Variants in TAFA4 observed in about 807,000 individuals in gnomAD.
The protein encoded by TAFA4 is TAFA chemokine like family member 4, also known as chemokine-like protein TAFA-4.
In TAFA4, 20 loss-of-function variants were observed where a neutral mutation model predicts 21.1. The ratio of observed to expected loss-of-function variants is 0.95; its 90% CI spans 0.67 to 1.38. TAFA4 has a LOEUF of 1.38. TAFA4 is among the 40% of genes most tolerant of loss of function. TAFA4 has a pLI of 0.00. For synonymous variants in TAFA4, 71 were observed against 67.4 expected, an observed-to-expected ratio of 1.05 and a Z score of -0.26; for missense variants, 211 against 180.9, an observed-to-expected ratio of 1.17 and a Z score of -0.95.
intron 3 of TAFA4, among the ~76,000 whole-genome samples, chr3:68,850,927 T>G (rs975363728): frequency 2.0e-5 from 3 of 152,206 alleles, no homozygotes; most frequent in Non-Finnish European, 4.4e-5. Flanking sequence ...TAGCCATTGC[T>G]TTTGGTAATT....
intron 3 of TAFA4, among the ~76,000 whole-genome samples, chr3:68,791,987 A>G (rs17047998): frequency 0.014 from 2,119 of 151,710 alleles, 44 homozygotes; most frequent in African/African-American, 0.048. Flanking sequence ...TTTAGATTCT[A>G]AAAAAAAACT....
chr3:68,868,078 A>T (rs957178183), intron 3 of TAFA4, among the ~76,000 whole-genome samples: 1 of 152,132 alleles, frequency 6.6e-6, no homozygotes, highest in South Asian at 2.1e-4. Context: ...GAAAAACACA[A>T]CCCAACTATA....
chr3:68,737,197 G>T (rs1702256656), intron 5 of TAFA4, among the ~76,000 whole-genome samples: 1 of 152,134 alleles, frequency 6.6e-6, no homozygotes, highest in South Asian at 2.1e-4. Context: ...ACTGATGGAT[G>T]TAATACCCTA....
intron 3 of TAFA4, among the ~76,000 whole-genome samples, chr3:68,812,786 G>A (rs1345267852): frequency 6.6e-6 from 1 of 152,048 alleles, no homozygotes; most frequent in Non-Finnish European, 1.5e-5. Flanking sequence ...AGTTAAGAAG[G>A]ATACCCAGGA....
At chr3:68,889,854 T>C (rs879938695) in intron 1 of TAFA4, among the ~76,000 whole-genome samples, 2 of 152,160 alleles carry the variant, frequency 1.3e-5, no homozygotes, top group African/African-American at 2.4e-5. Context: ...GCAACTGTGA[T>C]CTTACATTGG....
intron 1 of TAFA4, among the ~76,000 whole-genome samples, chr3:68,924,996 T>A (rs2090094211): frequency 6.6e-6 from 1 of 152,180 alleles, no homozygotes; most frequent in South Asian, 2.1e-4. Flanking sequence ...AAATTCCGCA[T>A]ACAAGGAGAA....
chr3:68,744,046 G>A (rs1702406780), intron 4 of TAFA4, among the ~76,000 whole-genome samples: 1 of 152,182 alleles, frequency 6.6e-6, no homozygotes, highest in South Asian at 2.1e-4. Flanking sequence ...TGTTGACAGA[G>A]CTTAGTTGTA....
chr3:68,768,255 T>C (rs1352874489), intron 3 of TAFA4, among the ~76,000 whole-genome samples: 2 of 151,876 alleles, frequency 1.3e-5, no homozygotes, highest in African/African-American at 2.4e-5. Flanking sequence ...CTCAACTCAA[T>C]AGTAAAAAAG....
intron 1 of TAFA4, among the ~76,000 whole-genome samples, chr3:68,912,154 C>T (rs796973302): frequency 1.8e-4 from 27 of 152,290 alleles, no homozygotes; most frequent in African/African-American, 6.5e-4. Flanking sequence ...GAAAGAGGAG[C>T]CCACTCCTAA....
At chr3:68,889,839 C>T (rs2089713449) in intron 1 of TAFA4, among the ~76,000 whole-genome samples, 1 of 152,202 alleles carries the variant, frequency 6.6e-6, no homozygotes, top group South Asian at 2.1e-4. Flanking sequence ...ACATGGCAAC[C>T]AAATGCAACT....
chr3:68,878,403 T>C (rs1181142208), intron 3 of TAFA4, among the ~76,000 whole-genome samples: 2 of 152,206 alleles, frequency 1.3e-5, no homozygotes, highest in African/African-American at 4.8e-5. Flanking sequence ...ACTACTCGTG[T>C]CTATACCAGA....
chr3:68,832,006 C>T (rs112809606), intron 3 of TAFA4, among the ~76,000 whole-genome samples: 1 of 152,138 alleles, frequency 6.6e-6, no homozygotes, highest in Non-Finnish European at 1.5e-5. Context: ...ACGAAGCTCT[C>T]GTACTGTGGT....
intron 3 of TAFA4, among the ~76,000 whole-genome samples, chr3:68,785,484 G>A (rs189571802): frequency 4.6e-5 from 7 of 152,362 alleles, no homozygotes; most frequent in East Asian, 1.9e-4. Flanking sequence ...GCTAAGGCCC[G>A]GCGAGAAATG....
intron 3 of TAFA4, among the ~76,000 whole-genome samples, chr3:68,835,895 C>G (rs1188401527): frequency 6.6e-6 from 1 of 152,226 alleles, no homozygotes; most frequent in Non-Finnish European, 1.5e-5. Context: ...TACTTGTCAT[C>G]TTCACATATC....
chr3:68,898,757 G>A (rs1447637685), intron 1 of TAFA4, among the ~76,000 whole-genome samples: 1 of 152,226 alleles, frequency 6.6e-6, no homozygotes, highest in Non-Finnish European at 1.5e-5. Context: ...CTGTAAGGAA[G>A]TCTGTTTTGT....
At chr3:68,863,067 CTACA>C (rs2089368123) in intron 3 of TAFA4, among the ~76,000 whole-genome samples, 1 of 138,800 alleles carries the variant, frequency 7.2e-6, no homozygotes, top group South Asian at 2.2e-4. Flanking sequence ...AACCCCATCT[CTACA>C]AAAAAAAAAA....
intron 1 of TAFA4, among the ~76,000 whole-genome samples, chr3:68,908,857 A>T (rs758034667): frequency 2.0e-5 from 3 of 152,230 alleles, no homozygotes; most frequent in Admixed American, 6.5e-5. Context: ...AGTTCCATTT[A>T]ATAAGCATGA....
chr3:68,863,277 A>G (rs1416615836), intron 3 of TAFA4, among the ~76,000 whole-genome samples: 1 of 152,048 alleles, frequency 6.6e-6, no homozygotes, highest in Non-Finnish European at 1.5e-5. Context: ...GATAAAGCTC[A>G]CAGTATATTT....
chr3:68,808,610 T>C (rs546197790), intron 3 of TAFA4, among the ~76,000 whole-genome samples: 16 of 152,216 alleles, frequency 1.1e-4, no homozygotes, highest in South Asian at 2.1e-4. Context: ...ACAAATTCCA[T>C]TCTTATCTCT....
Sources: allele counts gnomAD v4.1 joint callset (sites outside exome capture counted in the v4.1 genomes callset), GRCh38; gene constraint gnomAD v4.1.1; transcripts MANE v1.5; gene names NCBI Gene and HGNC (gene_info 2026-07-23, HGNC 2026-07-21).